ZBBX: variants seen among roughly 807,000 people sequenced by gnomAD.
ZBBX encodes zinc finger B-box domain-containing protein 1.
ZBBX carries 101 observed loss-of-function variants against 108.5 expected under a neutral mutation model. That is an observed-to-expected ratio of 0.93 (90% CI 0.79 to 1.10). The LOEUF (loss-of-function observed/expected upper bound fraction) is 1.10, where lower values mean the gene tolerates loss of function less well. ZBBX is among the 50% of genes least tolerant of loss of function. The pLI, the probability that ZBBX is intolerant of heterozygous loss-of-function variation, is 0.00. For synonymous variants in ZBBX, 356 were observed against 323.4 expected, an observed-to-expected ratio of 1.10 and a Z score of -1.08; for missense variants, 1,009 against 941.4, an observed-to-expected ratio of 1.07 and a Z score of -0.94.
intron 16 of ZBBX, among the ~76,000 whole-genome samples, chr3:167,312,259 G>C (rs1734718092): frequency 6.6e-6 from 1 of 152,162 alleles, no homozygotes; most frequent in Non-Finnish European, 1.5e-5. Context: ...AAAAAAATCA[G>C]TGGTTGCCAG....
Position 167,313,975 on chromosome 3 carries a change from T to C in ZBBX, c.1416A>G (p.Lys472=), listed in dbSNP as rs1735022939. Residue 472 remains lysine, a splice_region_variant and synonymous_variant, in exon 16 of 22, where the codon AAA becomes AAG. Transcript: ENST00000675490. ...NSSTYYKDNS[K]AETSNTDFDN... ...ATCCAGCAACAAGAAAAATGTTACC[T>C]TTTGAATTATCTTTATAATAAGTAG... The C allele has an allele frequency of 6.3e-7, 1 of 1,575,566 alleles. No homozygotes were observed. Among genetic ancestry groups the C allele is most frequent in the Non-Finnish European group, 8.6e-7 (1 of 1,163,458 alleles).
chr3:167,317,266 T>C (rs1576981547), intron 13 of ZBBX, among the ~76,000 whole-genome samples, 161 bp from the exon 14 acceptor site: 1 of 152,080 alleles, frequency 6.6e-6, no homozygotes, highest in African/African-American at 2.4e-5. Context: ...TACACATTTA[T>C]TAGCATTCAA....
the ZBBX span, among the ~76,000 whole-genome samples, chr3:167,211,558 G>C: frequency 6.6e-6 from 1 of 152,184 alleles, no homozygotes; most frequent in Admixed American, 6.5e-5. Flanking sequence ...TAGCGGCATT[G>C]CACCTGCCTA....
the ZBBX span, among the ~76,000 whole-genome samples, chr3:167,216,425 G>C: frequency 6.6e-6 from 1 of 151,460 alleles, no homozygotes; most frequent in African/African-American, 2.4e-5. Context: ...AGGGAGGTGA[G>C]AGATCTTTAC....
chr3:167,292,934 A>T (rs137926864), intron 18 of ZBBX, among the ~76,000 whole-genome samples: 5 of 152,160 alleles, frequency 3.3e-5, no homozygotes, highest in Non-Finnish European at 7.3e-5. Context: ...CTATGCAAAT[A>T]AAGTAGAAAA....
chr3:167,277,683 A>G (rs1727881501), intron 20 of ZBBX, among the ~76,000 whole-genome samples: 1 of 152,184 alleles, frequency 6.6e-6, no homozygotes, highest in African/African-American at 2.4e-5. Flanking sequence ...AACAATAGAC[A>G]GATCAACGAG....
At chr3:167,296,299 T>C (rs1444214817) in intron 18 of ZBBX, among the ~76,000 whole-genome samples, 1 of 151,984 alleles carries the variant, frequency 6.6e-6, no homozygotes, top group Non-Finnish European at 1.5e-5. Context: ...AACATCAAAC[T>C]CAATGGTGAA....
chr3:167,189,487 G>T, the ZBBX span, among the ~76,000 whole-genome samples: 1 of 152,122 alleles, frequency 6.6e-6, no homozygotes, highest in African/African-American at 2.4e-5. Flanking sequence ...ACACACTCAT[G>T]TGTACACAAA....
At chr3:167,378,658 T>C (rs1747336235) in intron 2 of ZBBX, among the ~76,000 whole-genome samples, 1 of 152,112 alleles carries the variant, frequency 6.6e-6, no homozygotes, top group African/African-American at 2.4e-5. Context: ...CCTTAGAAAC[T>C]ACCTAGAGAA....
chr3:167,229,568 C>T, the ZBBX span, among the ~76,000 whole-genome samples: 28 of 151,858 alleles, frequency 1.8e-4, no homozygotes, highest in East Asian at 1.8e-3. Context: ...AGGCATACTT[C>T]GGAAATATGA....
the ZBBX span, among the ~76,000 whole-genome samples, chr3:167,182,080 A>G: frequency 6.6e-6 from 1 of 152,144 alleles, no homozygotes; most frequent in Non-Finnish European, 1.5e-5. Flanking sequence ...TTCCAGACTC[A>G]GCAGTTTTCT....
chr3:167,312,693 A>C (rs9813052), intron 16 of ZBBX, among the ~76,000 whole-genome samples: 149,439 of 152,270 alleles, frequency 0.98, 73,334 homozygotes, highest in East Asian at 1. Context: ...GAACATCAGG[A>C]ACTAGCTTGA....
intron 11 of ZBBX, 27 bp downstream of exon 11, chr3:167,327,912 TCAA>T (rs1455034118): frequency 1.2e-4 from 47 of 408,300 alleles, no homozygotes; most frequent in Non-Finnish European, 1.6e-4. Context: ...AGACTCTGTC[TCAA>T]AAAAAAAAAA....
intron 11 of ZBBX, among the ~76,000 whole-genome samples, chr3:167,323,246 G>T (rs1560124211): frequency 1.3e-5 from 2 of 149,228 alleles, no homozygotes; most frequent in African/African-American, 2.5e-5. Context: ...AGAGGGGGGG[G>T]GGGGAAAGAA....
At chr3:167,308,718 G>C (rs550302966) in intron 16 of ZBBX, among the ~76,000 whole-genome samples, 1 of 152,006 alleles carries the variant, frequency 6.6e-6, no homozygotes, top group African/African-American at 2.4e-5. Context: ...CTAAGCACTA[G>C]TTTATAATTT....
intron 14 of ZBBX, among the ~76,000 whole-genome samples, chr3:167,316,582 T>C (rs949212561): frequency 9.9e-5 from 15 of 152,090 alleles, no homozygotes; most frequent in African/African-American, 3.6e-4. Context: ...ACACTATTTC[T>C]ACATTTAAAC....
intron 8 of ZBBX, among the ~76,000 whole-genome samples, chr3:167,358,732 C>G (rs1744010527): frequency 6.6e-6 from 1 of 151,580 alleles, no homozygotes; most frequent in Non-Finnish European, 1.5e-5. Flanking sequence ...GTCAGGAGAT[C>G]GAGACCATCC....
At chr3:167,257,122 C>A (rs562290535) in intron 20 of ZBBX, among the ~76,000 whole-genome samples, 1 of 152,142 alleles carries the variant, frequency 6.6e-6, no homozygotes, top group Non-Finnish European at 1.5e-5. Context: ...TCTCCACATG[C>A]TTGCCAGCAG....
At chr3:167,266,849 A>G (rs1725593519) in intron 20 of ZBBX, among the ~76,000 whole-genome samples, 1 of 152,066 alleles carries the variant, frequency 6.6e-6, no homozygotes, top group Admixed American at 6.5e-5. Context: ...TTCTCTGGGG[A>G]GGGATTTCCG....
Sources: gnomAD v4.1 joint callset for allele counts (sites outside exome capture counted in the v4.1 genomes callset) on GRCh38, gnomAD v4.1.1 for gene constraint, MANE v1.5 for transcripts, NCBI Gene and HGNC (gene_info 2026-07-23, HGNC 2026-07-21) for gene names.